IDE: variants seen among roughly 807,000 people sequenced by gnomAD.
IDE encodes insulin degrading enzyme, also known as insulin-degrading enzyme.
A neutral mutation model predicts 133.2 loss-of-function variants in IDE; 58 were observed. That is an observed-to-expected ratio of 0.44 (90% CI 0.35 to 0.54). IDE has a LOEUF of 0.54. IDE is among the 20% of genes least tolerant of loss of function. The pLI, the probability that IDE is intolerant of heterozygous loss-of-function variation, is 0.00. For synonymous variants in IDE, 396 were observed against 421.3 expected (o/e 0.94, Z 0.73); for missense variants, 981 against 1,234.0 (o/e 0.79, Z 3.07).
intron 5 of IDE, among the ~76,000 whole-genome samples, chr10:92,512,560 A>T (rs1333281120): frequency 1.6e-5 from 1 of 62,130 alleles, no homozygotes; most frequent in East Asian, 3.4e-4. Context: ...AACATAGATT[A>T]AAAAAAAAAA....
At position 92,483,309 on chromosome 10, in the gene IDE, T is replaced by C. The variant is rs1218374859; in HGVS notation, c.1685A>G (p.Lys562Arg). Residue 562 changes from lysine to arginine, a missense_variant, in exon 14 of 25, where the codon AAA becomes AGA. By Grantham distance (26) the Lys-to-Arg change is conservative. This residue lies in a region of IDE where 660 missense variants were observed against 894.7 expected (regional missense o/e 0.74). Transcript: ENST00000265986. ...CGGCAAAAAAAACTTATCATCTTGT[T>C]TGAACCAAAGTTTGCTCATAGCTGT... The part of the protein sequence containing the change: ...KDTAMSKLWF[K>R]QDDKFFLPKA... The C allele has an allele frequency of 6.2e-7, 1 of 1,611,286 alleles. No homozygotes were observed. The highest frequency in any genetic ancestry group is 8.5e-7 in the Non-Finnish European group (1 of 1,177,536).
intron 4 of IDE, among the ~76,000 whole-genome samples, chr10:92,517,159 C>T (rs1848974713): frequency 6.6e-6 from 1 of 152,092 alleles, no homozygotes; most frequent in Non-Finnish European, 1.5e-5. Flanking sequence ...GGGAAAGTCC[C>T]TCTTTCATGA....
At chr10:92,496,187 T>C (rs1311197790) in intron 11 of IDE, among the ~76,000 whole-genome samples, 1 of 152,154 alleles carries the variant, frequency 6.6e-6, no homozygotes, top group East Asian at 1.9e-4. Context: ...AAGTGTTTCT[T>C]AAAGTAAGAA....
chr10:92,475,019 AG>A, intron 16 of IDE, 58 bp from the exon 17 acceptor site: 1 of 1,375,810 alleles, frequency 7.3e-7, no homozygotes, highest in Non-Finnish European at 1.0e-6. Flanking sequence ...TCATTTCAAA[AG>A]TCCAGTTATA....
intron 20 of IDE, 126 bp from the exon 21 acceptor site, chr10:92,464,129 A>G: frequency 1.1e-6 from 1 of 905,986 alleles, no homozygotes; most frequent in Non-Finnish European, 1.7e-6. Context: ...TTCACCTCTT[A>G]AAGAAATATG....
At chr10:92,484,336 G>A (rs1380887336) in intron 13 of IDE, among the ~76,000 whole-genome samples, 1 of 152,130 alleles carries the variant, frequency 6.6e-6, no homozygotes, top group Non-Finnish European at 1.5e-5. Flanking sequence ...GTTTGAACCA[G>A]GACTCGGGAG....
At chr10:92,498,471 A>G (rs1264193262) in intron 11 of IDE, among the ~76,000 whole-genome samples, 1 of 151,882 alleles carries the variant, frequency 6.6e-6, no homozygotes, top group Non-Finnish European at 1.5e-5. Flanking sequence ...AAAAAAAAAT[A>G]CAGGCCGGGC....
rs557059582 is a variant in IDE, at chr10:92,525,942, A to G, written c.661+5806T>C. The stretch of plus-strand genomic sequence containing the variant: ...GAGGCCAAGGTGGGCAGATCACTCG[A>G]GCTCAGGAGTTTGAGACCAGCCTGG... On this transcript the variant is annotated intron_variant, in intron 4 of 24. Coordinates refer to ENST00000265986, the MANE Select transcript of IDE (RefSeq NM_004969.4). Among the ~76,000 whole-genome samples the G allele has an allele frequency of 3.9e-5, 6 of 152,148 alleles. 1 individual carries two copies. The highest frequency in any genetic ancestry group is 3.9e-4 in the Admixed American group (6 of 15,278).
chr10:92,514,830 C>T (rs1848814454), intron 5 of IDE, 90 bp downstream of exon 5: 4 of 1,016,000 alleles, frequency 3.9e-6, no homozygotes, highest in Non-Finnish European at 5.7e-6. Context: ...ATAAGCAGCT[C>T]TATCTTATAT....
At chr10:92,506,594 T>A in intron 9 of IDE, 72 bp from the exon 10 acceptor site, 4 of 745,610 alleles carry the variant, frequency 5.4e-6, no homozygotes, top group Non-Finnish European at 9.2e-6. Context: ...TTTTTAAGTG[T>A]TTGGCTTGCA....
At chr10:92,455,553 T>C (rs754937274) in intron 24 of IDE, 23 bp downstream of exon 24, 3 of 1,436,250 alleles carry the variant, frequency 2.1e-6, no homozygotes, top group Non-Finnish European at 2.9e-6. Context: ...CAGTACAATC[T>C]AACATAACGT....
chr10:92,516,489 C>CA (rs1050105179), intron 4 of IDE, among the ~76,000 whole-genome samples: 1 of 151,930 alleles, frequency 6.6e-6, no homozygotes, highest in Non-Finnish European at 1.5e-5. Context: ...GACTCTGTCT[C>CA]AAAAAAATAT....
chr10:92,482,042 A>C (rs114951394), intron 14 of IDE, among the ~76,000 whole-genome samples: 361 of 152,360 alleles, frequency 2.4e-3, no homozygotes, highest in African/African-American at 8.3e-3. Flanking sequence ...AGTTCTAGAT[A>C]ATCTGTGAAT....
intron 4 of IDE, among the ~76,000 whole-genome samples, chr10:92,518,624 A>G (rs1287747311): frequency 2.0e-5 from 3 of 152,198 alleles, no homozygotes; most frequent in Non-Finnish European, 4.4e-5. Flanking sequence ...CATGTACAAC[A>G]ATTCCATAGT....
At chr10:92,505,732 C>A (rs1369689719) in intron 10 of IDE, among the ~76,000 whole-genome samples, 2 of 152,084 alleles carry the variant, frequency 1.3e-5, no homozygotes, top group Non-Finnish European at 2.9e-5. Context: ...AAGAACCTAG[C>A]CAGGCAAAGA....
chr10:92,483,585 G>C (rs1224802471), intron 13 of IDE, among the ~76,000 whole-genome samples: 1 of 152,206 alleles, frequency 6.6e-6, no homozygotes, highest in Admixed American at 6.5e-5. Context: ...TGGGGGTACA[G>C]TGAAGGAAGA....
intron 1 of IDE, among the ~76,000 whole-genome samples, chr10:92,569,532 C>T (rs1823914267): frequency 6.6e-6 from 1 of 152,092 alleles, no homozygotes; most frequent in Non-Finnish European, 1.5e-5. Context: ...CTCCAAGAAA[C>T]TTTAGGAATC....
At chr10:92,551,705 A>T (rs1842792293) in intron 1 of IDE, among the ~76,000 whole-genome samples, 1 of 152,024 alleles carries the variant, frequency 6.6e-6, no homozygotes, top group Non-Finnish European at 1.5e-5. Flanking sequence ...GTCTGAAGGG[A>T]GGGGAAATGG....
chr10:92,510,098 A>G lies in IDE; in HGVS notation c.849T>C (p.Val283=), dbSNP rs547400878. The stretch of plus-strand genomic sequence containing the variant: ...GGTGTTCAGGAAATTCTGGCAATGG[A>G]ACATTTTTGTTCTCTACTTCAGAAA... ...KLFSEVENKN[V]PLPEFPEHPF... The change falls in exon 6 of 25, where the codon GTT becomes GTC. Residue 283 remains valine (V), a synonymous_variant. Transcript: ENST00000265986. The G allele has an allele frequency of 1.2e-6, 2 of 1,606,542 alleles. No homozygotes were observed. Among genetic ancestry groups the G allele is most frequent in the South Asian group, 1.1e-5 (1 of 90,484 alleles).
Sources: gnomAD v4.1 joint callset for allele counts (sites outside exome capture counted in the v4.1 genomes callset) on GRCh38, gnomAD v4.1.1 for gene constraint, gnomAD v4.1.1 regional missense constraint, MANE v1.5 for transcripts, NCBI Gene and HGNC (gene_info 2026-07-23, HGNC 2026-07-21) for gene names.